CCNH: variants seen among roughly 807,000 people sequenced by gnomAD.
CCNH encodes cyclin H.
In CCNH, 31 loss-of-function variants were observed where a neutral mutation model predicts 41.9. That is an observed-to-expected ratio of 0.74 (90% CI 0.56 to 1.00). The LOEUF (loss-of-function observed/expected upper bound fraction) is 1.00. Ranked by LOEUF, CCNH falls within the 50% of genes least tolerant of loss-of-function variation. CCNH has a pLI of 0.00. For synonymous variants in CCNH, 138 were observed against 136.1 expected (o/e 1.01, Z -0.10); for missense variants, 362 against 388.4 (o/e 0.93, Z 0.57).
At chr5:87,361,581 T>TA (rs1760093661) in intron 9 of CCNH, among the ~76,000 whole-genome samples, 2 of 152,284 alleles carry the variant, frequency 1.3e-5, no homozygotes, top group South Asian at 4.1e-4. Context: ...ACCTTAATAG[T>TA]AAAATTGAAG....
At chr5:87,371,384 T>G (rs1180041302), downstream of CCNH, among the ~76,000 whole-genome samples, 4 of 150,374 alleles carry the variant, frequency 2.7e-5, no homozygotes, top group Non-Finnish European at 4.5e-5. Context: ...GCCAACAAAC[T>G]AAAGACATAA....
intron 9 of CCNH, among the ~76,000 whole-genome samples, chr5:87,365,950 G>C (rs1393427249): frequency 2.0e-5 from 3 of 152,090 alleles, no homozygotes; most frequent in African/African-American, 7.2e-5. Flanking sequence ...TAAAATCTAA[G>C]CTGCTTCAGT....
At chr5:87,370,559 G>A (rs369614297) in intron 9 of CCNH, among the ~76,000 whole-genome samples, 1 of 152,336 alleles carries the variant, frequency 6.6e-6, no homozygotes, top group East Asian at 1.9e-4. Context: ...CCACTGGGTA[G>A]AATGAGGCAG....
chr5:87,312,649 A>C, the CCNH span, among the ~76,000 whole-genome samples: 1 of 152,214 alleles, frequency 6.6e-6, no homozygotes, highest in Non-Finnish European at 1.5e-5. Flanking sequence ...ACTAAGGGAA[A>C]GATAGTTTGC....
At chr5:87,387,935 A>C (rs577562007), downstream of CCNH, among the ~76,000 whole-genome samples, 1 of 152,284 alleles carries the variant, frequency 6.6e-6, no homozygotes, top group Non-Finnish European at 1.5e-5. Flanking sequence ...ACAATCTAAG[A>C]TTTCATACTG....
At chr5:87,380,647 GTGAAAAATTGAGGAATA>G, upstream of CCNH, 1 of 1,448,086 alleles carries the variant, frequency 6.9e-7, no homozygotes, top group South Asian at 1.1e-5. Context: ...GTGGATAATT[GTGAAAAATTGAGGAATA>G]ACAATATACA....
At chr5:87,313,169 C>T in the CCNH span, among the ~76,000 whole-genome samples, 2 of 152,140 alleles carry the variant, frequency 1.3e-5, no homozygotes, top group Non-Finnish European at 2.9e-5. Flanking sequence ...ATTTCTATCT[C>T]AGTTTTTGAT....
intron 9 of CCNH, among the ~76,000 whole-genome samples, chr5:87,359,994 G>A (rs1759951296): frequency 6.6e-6 from 1 of 151,940 alleles, no homozygotes; most frequent in Non-Finnish European, 1.5e-5. Context: ...TCAGATACTT[G>A]TCTAATAAGT....
At chr5:87,410,690 C>T (rs745755882) in intron 2 of CCNH, among the ~76,000 whole-genome samples, 1 of 152,124 alleles carries the variant, frequency 6.6e-6, no homozygotes, top group East Asian at 1.9e-4. Flanking sequence ...TTTCTCCTCA[C>T]GGTTGCCCAC....
chr5:87,330,152 G>C (rs1015731600), intron 9 of CCNH, among the ~76,000 whole-genome samples: 3 of 152,010 alleles, frequency 2.0e-5, no homozygotes, highest in Admixed American at 2.0e-4. Flanking sequence ...TAAATAAATA[G>C]CTTGGTTTTA....
At chr5:87,339,811 C>G (rs1421605511) in intron 9 of CCNH, among the ~76,000 whole-genome samples, 1 of 151,992 alleles carries the variant, frequency 6.6e-6, no homozygotes, top group Admixed American at 6.6e-5. Context: ...AATTTTCACT[C>G]CAATATGTAG....
chr5:87,383,170 C>T (rs1403566677), intron 9 of CCNH, among the ~76,000 whole-genome samples: 3 of 152,112 alleles, frequency 2.0e-5, no homozygotes, highest in African/African-American at 7.2e-5. Flanking sequence ...ATCAATAAGT[C>T]ACTTTTTCTC....
chr5:87,370,187 C>A (rs1428783001), intron 9 of CCNH, among the ~76,000 whole-genome samples: 1 of 152,158 alleles, frequency 6.6e-6, no homozygotes, highest in Non-Finnish European at 1.5e-5. Context: ...ATCCTCTCTG[C>A]ATAAAGGTTA....
downstream of CCNH, chr5:87,394,261 G>C: frequency 7.8e-7 from 1 of 1,280,452 alleles, no homozygotes; most frequent in Admixed American, 3.8e-5. Context: ...TTCAAAACAG[G>C]TGCTATTCTA....
intron 9 of CCNH, chr5:87,331,482 A>G: frequency 6.2e-7 from 1 of 1,613,882 alleles, no homozygotes; most frequent in Non-Finnish European, 8.5e-7. Flanking sequence ...AGCCAGATGA[A>G]TGTTGTCAAC....
chr5:87,391,663 T>G (rs1231327781), downstream of CCNH: 11 of 233,070 alleles, frequency 4.7e-5, no homozygotes, highest in Non-Finnish European at 8.5e-5. Flanking sequence ...TTCAACCATT[T>G]TATAGACTAC....
chr5:87,358,261 C>G (rs1450183720), intron 9 of CCNH, among the ~76,000 whole-genome samples: 1 of 152,128 alleles, frequency 6.6e-6, no homozygotes. Context: ...CCTTTTGAGA[C>G]AATATACCCC....
intron 9 of CCNH, among the ~76,000 whole-genome samples, chr5:87,335,419 G>GTTTTTTTTTTTTT (rs34986349): frequency 5.5e-5 from 4 of 72,888 alleles, no homozygotes; most frequent in Admixed American, 1.9e-4. Context: ...AAAGAATGAG[G>GTTTTTTTTTTTTT]TTTTTTTTTT....
At chr5:87,385,950 T>G (rs1762033748) in intron 9 of CCNH, among the ~76,000 whole-genome samples, 1 of 152,072 alleles carries the variant, frequency 6.6e-6, no homozygotes, top group Non-Finnish European at 1.5e-5. Context: ...TTGCATACAT[T>G]TCCTTTCATA....
Sources: gnomAD v4.1 joint callset for allele counts (sites outside exome capture counted in the v4.1 genomes callset) on GRCh38, gnomAD v4.1.1 for gene constraint, MANE v1.5 for transcripts, NCBI Gene and HGNC (gene_info 2026-07-23, HGNC 2026-07-21) for gene names.